Variants in TAFA4 observed in about 807,000 individuals in gnomAD.
TAFA4 encodes chemokine-like protein TAFA-4.
In TAFA4, 20 loss-of-function variants were observed where a neutral mutation model predicts 21.1. The observed-to-expected ratio is 0.95, with a 90% CI of 0.67 to 1.38. The LOEUF is 1.38. TAFA4 is among the 40% of genes most tolerant of loss of function. The pLI, the probability that TAFA4 is intolerant of heterozygous loss-of-function variation, is 0.00. For synonymous variants in TAFA4, 71 were observed against 67.4 expected (o/e 1.05, Z -0.26); for missense variants, 211 against 180.9 (o/e 1.17, Z -0.95).
intron 3 of TAFA4, among the ~76,000 whole-genome samples, chr3:68,802,902 G>T (rs1485413637): frequency 6.6e-6 from 1 of 152,194 alleles, no homozygotes; most frequent in Non-Finnish European, 1.5e-5. Flanking sequence ...TATAGAACTT[G>T]AAGTGGAGCT....
chr3:68,779,688 A>G (rs1224028984), intron 3 of TAFA4, among the ~76,000 whole-genome samples: 1 of 152,210 alleles, frequency 6.6e-6, no homozygotes, highest in Non-Finnish European at 1.5e-5. Context: ...ACTTCTGCCT[A>G]GATTTCAGAG....
intron 1 of TAFA4, among the ~76,000 whole-genome samples, chr3:68,900,265 T>C (rs948607404): frequency 2.6e-5 from 2 of 78,190 alleles, no homozygotes; most frequent in Admixed American, 1.5e-4. Flanking sequence ...ATAATAATAA[T>C]AATAATAATA....
At position 68,917,521 on chromosome 3, in the gene TAFA4, G is replaced by A. The variant is rs555370481; in HGVS notation, c.-123+14719C>T. 3.7e-3 allele frequency among the ~76,000 whole-genome samples: 565 copies of A among 151,956 alleles called. 5 individuals carry two copies. The highest frequency in any genetic ancestry group is 0.013 in the African/African-American group (532 of 41,414). On this transcript the variant is annotated intron_variant, in intron 1 of 5. Transcript: ENST00000295569. Reference sequence around the variant, plus strand: ...TGTAATCCCAGCACTTTGGGAGGCCGAGGCAGGCAGATCACGAGGTCAGGA... The same window carrying A: ...TGTAATCCCAGCACTTTGGGAGGCCAAGGCAGGCAGATCACGAGGTCAGGA...
intron 3 of TAFA4, among the ~76,000 whole-genome samples, chr3:68,838,884 CCCAGGAGTTTGAGA>C (rs1254319644): frequency 6.6e-6 from 1 of 152,054 alleles, no homozygotes; most frequent in Non-Finnish European, 1.5e-5. Context: ...ATCGCTTGAG[CCCAGGAGTTTGAGA>C]CCAGCCTGGG....
rs1351622707 is a variant in TAFA4, at chr3:68,733,158, A to G, written c.412-5T>C. 2 of 1,613,074 alleles carry G rather than the reference A, an allele frequency of 1.2e-6. No homozygotes were observed. The highest frequency in any genetic ancestry group is 1.7e-6 in the Non-Finnish European group (2 of 1,179,336). Reference sequence around the variant, plus strand: ...CTCTCTTCGCTACCGCGTTACCTAAAACAAATCAAAATAAGGGAACATTCA... The same window carrying G: ...CTCTCTTCGCTACCGCGTTACCTAAGACAAATCAAAATAAGGGAACATTCA... On this transcript the variant is annotated splice_region_variant and splice_polypyrimidine_tract_variant and intron_variant, in intron 5 of 5. Coordinates refer to ENST00000295569, the MANE Select transcript of TAFA4 (RefSeq NM_182522.5).
chr3:68,827,243 T>G (rs1405003737), intron 3 of TAFA4, among the ~76,000 whole-genome samples: 1 of 152,144 alleles, frequency 6.6e-6, no homozygotes, highest in African/African-American at 2.4e-5. Flanking sequence ...GCATAGTATT[T>G]CATGGCGTGT....
chr3:68,930,804 A>C (rs1032706319), intron 1 of TAFA4, among the ~76,000 whole-genome samples: 2 of 152,222 alleles, frequency 1.3e-5, no homozygotes, highest in East Asian at 3.8e-4. Context: ...AATTCTTCTC[A>C]CTATAAAACC....
intron 3 of TAFA4, among the ~76,000 whole-genome samples, chr3:68,806,799 G>C (rs1457347989): frequency 6.6e-6 from 1 of 152,140 alleles, no homozygotes; most frequent in African/African-American, 2.4e-5. Context: ...AAAACAAGAA[G>C]TCTGCAGTCT....
rs989596130 is a variant in TAFA4 at position 68,809,364 on chromosome 3, G to C, written c.131-56346C>G. The stretch of plus-strand genomic sequence containing the variant: ...AAATTCCAGTATAACAAAATAACTT[G>C]AACATTAAAGTTCACTATAACAGTA... On this transcript the variant is annotated intron_variant, in intron 3 of 5. Coordinates refer to ENST00000295569, the MANE Select transcript of TAFA4 (RefSeq NM_182522.5). Among the ~76,000 whole-genome samples, 83 of 152,280 alleles carry C rather than the reference G, an allele frequency of 5.5e-4. 1 individual carries two copies. The highest frequency in any genetic ancestry group is 2.0e-3 in the African/African-American group (82 of 41,564).
At chr3:68,746,882 TTTGGACCTTGTTAA>T (rs1702468596) in intron 4 of TAFA4, among the ~76,000 whole-genome samples, 1 of 152,224 alleles carries the variant, frequency 6.6e-6, no homozygotes, top group Non-Finnish European at 1.5e-5. Flanking sequence ...GTCATTGACA[TTTGGACCTTGTTAA>T]TTCTTTATCG....
chr3:68,816,200 G>A (rs1703970817), intron 3 of TAFA4, among the ~76,000 whole-genome samples: 1 of 152,116 alleles, frequency 6.6e-6, no homozygotes, highest in African/African-American at 2.4e-5. Flanking sequence ...AGCATTAGGA[G>A]ATATACCTAA....
chr3:68,761,197 TAAAG>T (rs1157473729), intron 3 of TAFA4, among the ~76,000 whole-genome samples: 1 of 152,218 alleles, frequency 6.6e-6, no homozygotes, highest in African/African-American at 2.4e-5. Context: ...ATAAAGTGCT[TAAAG>T]AACACAGTGA....
chr3:68,740,459 T>G (rs1702328685), intron 4 of TAFA4, among the ~76,000 whole-genome samples: 1 of 152,212 alleles, frequency 6.6e-6, no homozygotes, highest in African/African-American at 2.4e-5. Context: ...TTCCTTCACC[T>G]TTTCATATGC....
chr3:68,747,603 G>C lies in TAFA4; in HGVS notation c.286+5260C>G, dbSNP rs1434485804. Among the ~76,000 whole-genome samples the C allele has an allele frequency of 2.0e-5, 3 of 151,930 alleles. No individual in the cohort carries two copies. In the East Asian group the frequency reaches 5.8e-4, roughly 29 times the overall value. ...TTGCTTTATAAATTACCCATTCTCG[G>C]GTATGTCTTTATTAGCAGCGTGAGA... On this transcript the variant is annotated intron_variant, in intron 4 of 5. Transcript: ENST00000295569.
intron 3 of TAFA4, among the ~76,000 whole-genome samples, chr3:68,764,668 C>A (rs888846200): frequency 6.6e-6 from 1 of 152,148 alleles, no homozygotes; most frequent in Non-Finnish European, 1.5e-5. Flanking sequence ...TTGCAATGGA[C>A]TGTACTGGGC....
At chr3:68,898,849 C>T (rs1028080857) in intron 1 of TAFA4, among the ~76,000 whole-genome samples, 2 of 152,098 alleles carry the variant, frequency 1.3e-5, no homozygotes, top group African/African-American at 4.8e-5. Flanking sequence ...GTGGTAGACT[C>T]AGGATTCCAA....
intron 3 of TAFA4, among the ~76,000 whole-genome samples, chr3:68,827,154 T>G (rs568117784): frequency 1.3e-5 from 2 of 151,908 alleles, no homozygotes; most frequent in Non-Finnish European, 2.9e-5. Flanking sequence ...TCTGTCCTTG[T>G]GATATTTTGC....
intron 3 of TAFA4, among the ~76,000 whole-genome samples, chr3:68,819,094 G>A (rs553279992): frequency 5.9e-5 from 9 of 152,162 alleles, no homozygotes; most frequent in South Asian, 2.1e-4. Flanking sequence ...GCAACATGGC[G>A]AAAGCCCATC....
At chr3:68,735,369 G>T (rs764264259) in intron 5 of TAFA4, among the ~76,000 whole-genome samples, 13 of 152,088 alleles carry the variant, frequency 8.5e-5, no homozygotes, top group Non-Finnish European at 1.8e-4. Context: ...TACCTTTGAT[G>T]CAGAGAAAGC....
Sources: gnomAD v4.1 joint callset for allele counts (sites outside exome capture counted in the v4.1 genomes callset) on GRCh38, gnomAD v4.1.1 for gene constraint, MANE v1.5 for transcripts, NCBI Gene and HGNC (gene_info 2026-07-23, HGNC 2026-07-21) for gene names.